Variants in CDKAL1 observed in about 807,000 individuals in gnomAD.
CDKAL1 encodes the protein threonylcarbamoyladenosine tRNA methylthiotransferase.
Under a neutral mutation model 68.2 loss-of-function variants are expected in CDKAL1, and 32 were observed. The ratio of observed to expected loss-of-function variants is 0.47; its 90% CI spans 0.35 to 0.63. CDKAL1 has a LOEUF of 0.63. CDKAL1 is among the 30% of genes least tolerant of loss of function. The pLI is 0.00. For synonymous variants in CDKAL1, 234 were observed against 244.3 expected, an observed-to-expected ratio of 0.96 and a Z score of 0.39; for missense variants, 606 against 696.7, an observed-to-expected ratio of 0.87 and a Z score of 1.47.
At chr6:20,948,207 G>A (rs967264169) in intron 9 of CDKAL1, among the ~76,000 whole-genome samples, 19 of 151,752 alleles carry the variant, frequency 1.3e-4, no homozygotes, top group Non-Finnish European at 7.4e-5. Context: ...TGTAGAGATA[G>A]GGTCTTGCTC....
intron 5 of CDKAL1, among the ~76,000 whole-genome samples, chr6:20,691,691 G>C (rs1319956463): frequency 6.6e-6 from 1 of 152,032 alleles, no homozygotes; most frequent in African/African-American, 2.4e-5. Context: ...ACATAATTTA[G>C]AGAGGACTCC....
intron 13 of CDKAL1, among the ~76,000 whole-genome samples, chr6:21,196,718 G>T (rs558245215): frequency 6.6e-6 from 1 of 152,304 alleles, no homozygotes; most frequent in African/African-American, 2.4e-5. Flanking sequence ...CTACAAATGA[G>T]AATAGGAATT....
At chr6:20,649,496 G>A in intron 5 of CDKAL1, 119 bp downstream of exon 5, 2 of 558,208 alleles carry the variant, frequency 3.6e-6, no homozygotes, top group Non-Finnish European at 6.2e-6. Context: ...AGTATGAGTT[G>A]GACTTTTAAG....
At chr6:20,977,243 G>A (rs1247736138) in intron 10 of CDKAL1, among the ~76,000 whole-genome samples, 1 of 152,136 alleles carries the variant, frequency 6.6e-6, no homozygotes, top group African/African-American at 2.4e-5. Context: ...TTATTCAAGA[G>A]AATGAGGTAA....
chr6:20,794,575 A>G (rs1055154913), intron 8 of CDKAL1, among the ~76,000 whole-genome samples: 1 of 152,148 alleles, frequency 6.6e-6, no homozygotes, highest in African/African-American at 2.4e-5. Context: ...CACTTTCTTA[A>G]TACAAAACTA....
chr6:20,826,255 T>C (rs1292851719), intron 8 of CDKAL1, among the ~76,000 whole-genome samples: 1 of 152,174 alleles, frequency 6.6e-6, no homozygotes, highest in Non-Finnish European at 1.5e-5. Context: ...GGGAGCCCAC[T>C]TAAAAATACA....
intron 4 of CDKAL1, among the ~76,000 whole-genome samples, chr6:20,647,914 C>G (rs1768552518): frequency 1.3e-5 from 2 of 150,400 alleles, no homozygotes; most frequent in Admixed American, 6.6e-5. Flanking sequence ...ATTGTTTCAA[C>G]ATTTTTTTTT....
intron 5 of CDKAL1, among the ~76,000 whole-genome samples, chr6:20,715,570 C>T (rs1395901711): frequency 6.6e-6 from 1 of 152,002 alleles, no homozygotes; most frequent in East Asian, 1.9e-4. Context: ...GGGTATATGC[C>T]CAGAAGGTAG....
At chr6:21,106,810 A>G (rs1390581913) in intron 12 of CDKAL1, among the ~76,000 whole-genome samples, 3 of 152,180 alleles carry the variant, frequency 2.0e-5, no homozygotes, top group East Asian at 3.8e-4. Context: ...CTGTACATAG[A>G]ATGACCTCTT....
chr6:20,813,313 A>G (rs1435695441), intron 8 of CDKAL1, among the ~76,000 whole-genome samples: 1 of 152,136 alleles, frequency 6.6e-6, no homozygotes, highest in African/African-American at 2.4e-5. Context: ...TTTGTTTGGC[A>G]TACTATTTAG....
At chr6:21,217,253 A>G (rs1268687698) in intron 15 of CDKAL1, among the ~76,000 whole-genome samples, 10 of 149,148 alleles carry the variant, frequency 6.7e-5, no homozygotes, top group African/African-American at 2.4e-4. Flanking sequence ...ATTTTCTTCT[A>G]TTGGACGATA....
chr6:20,573,203 A>G (rs1764774517), intron 4 of CDKAL1, among the ~76,000 whole-genome samples: 1 of 152,028 alleles, frequency 6.6e-6, no homozygotes, highest in Non-Finnish European at 1.5e-5. Flanking sequence ...GGAAATTTCC[A>G]TTGTGGATTT....
At chr6:20,712,139 A>G (rs1771874021) in intron 5 of CDKAL1, among the ~76,000 whole-genome samples, 2 of 152,158 alleles carry the variant, frequency 1.3e-5, no homozygotes, top group South Asian at 4.1e-4. Flanking sequence ...GTTGGCAAAC[A>G]AAAGTGATGA....
In CDKAL1 at chr6:21,193,675, C is replaced by A. The variant is rs558112434; in HGVS notation, c.1300-4346C>A. 6.2e-4 allele frequency among the ~76,000 whole-genome samples: 94 copies of A among 152,314 alleles called. 1 individual carries two copies. Among genetic ancestry groups the A allele is most frequent in the African/African-American group, 2.1e-3 (89 of 41,584 alleles). On this transcript the variant is annotated intron_variant, in intron 13 of 15. Coordinates refer to ENST00000274695, the MANE Select transcript of CDKAL1 (RefSeq NM_017774.3). ...TCTGTTGATTTCAAAGAACCCTCTT[C>A]AGACTTTTTTCCCTTGGGTTCTGCT...
At chr6:21,192,644 A>G (rs1778303456) in intron 13 of CDKAL1, among the ~76,000 whole-genome samples, 1 of 152,204 alleles carries the variant, frequency 6.6e-6, no homozygotes, top group Non-Finnish European at 1.5e-5. Flanking sequence ...CCTTGGAAAT[A>G]CTATAGCATT....
chr6:21,205,830 C>CTTTTTTTTT (rs34849597), intron 15 of CDKAL1, among the ~76,000 whole-genome samples: 4 of 66,610 alleles, frequency 6.0e-5, no homozygotes, highest in African/African-American at 3.5e-4. Flanking sequence ...CGCGCCCAGC[C>CTTTTTTTTT]TTTTTTTTTT....
intron 10 of CDKAL1, among the ~76,000 whole-genome samples, chr6:20,972,633 A>G (rs1259228405): frequency 6.6e-6 from 1 of 152,206 alleles, no homozygotes; most frequent in Non-Finnish European, 1.5e-5. Flanking sequence ...TTTCAGGCAC[A>G]TTTCCTGTTT....
chr6:20,748,318 G>T (rs908901977), intron 6 of CDKAL1, among the ~76,000 whole-genome samples: 3 of 151,910 alleles, frequency 2.0e-5, no homozygotes, highest in African/African-American at 7.3e-5. Context: ...CTGAAACCTT[G>T]TCTCTAAAAT....
chr6:21,003,054 T>C (rs756241230), intron 11 of CDKAL1, among the ~76,000 whole-genome samples: 1 of 152,002 alleles, frequency 6.6e-6, no homozygotes, highest in Non-Finnish European at 1.5e-5. Flanking sequence ...TTGTGTATTT[T>C]GTCTAGTCCA....
Sources: allele counts gnomAD v4.1 joint callset (sites outside exome capture counted in the v4.1 genomes callset), GRCh38; gene constraint gnomAD v4.1.1; transcripts MANE v1.5; gene names NCBI Gene and HGNC (gene_info 2026-07-23, HGNC 2026-07-21).